The following DZANK1 variants were observed in gnomAD, a reference collection of about 807,000 sequenced individuals.
DZANK1 encodes the protein double zinc ribbon and ankyrin repeat domains 1, also known as double zinc ribbon and ankyrin repeat-containing protein 1.
Under a neutral mutation model 94.5 loss-of-function variants are expected in DZANK1, and 91 were observed. The ratio of observed to expected loss-of-function variants is 0.96; its 90% CI spans 0.81 to 1.15. The LOEUF is 1.15. DZANK1 is among the 50% of genes most tolerant of loss of function. The pLI, the probability that DZANK1 is intolerant of heterozygous loss-of-function variation, is 0.00. For synonymous variants in DZANK1, 312 were observed against 325.3 expected, an observed-to-expected ratio of 0.96 and a Z score of 0.44; for missense variants, 903 against 916.4, an observed-to-expected ratio of 0.99 and a Z score of 0.19.
intron 4 of DZANK1, chr20:18,454,322 C>CAGTGTAG: frequency 3.3e-6 from 1 of 300,178 alleles, no homozygotes; most frequent in South Asian, 3.1e-5. Flanking sequence ...GGCCCCTGCC[C>CAGTGTAG]AGTGTAGATC....
rs1206427381 is a variant in DZANK1 at position 18,453,548 on chromosome 20, C to T, written c.475+183G>A. ...TCTAACTTGGTTGGACTGCTTGATCCTCCTTCATGATCTTAAGCTGTAAGC... is the reference window on the plus strand; with the variant it reads ...TCTAACTTGGTTGGACTGCTTGATCTTCCTTCATGATCTTAAGCTGTAAGC... On this transcript the variant is annotated intron_variant, in intron 5 of 20. Transcript: ENST00000262547. Among the ~76,000 whole-genome samples the T allele has an allele frequency of 2.6e-5, 4 of 152,080 alleles. No individual in the cohort carries two copies. The South Asian group carries it at 6.2e-4, about 24-fold the overall frequency.
chr20:18,415,278 C>T (rs780840671), intron 11 of DZANK1, 49 bp downstream of exon 11: 1 of 1,393,172 alleles, frequency 7.2e-7, no homozygotes, highest in Non-Finnish European at 9.4e-7. Context: ...TCTCTCCAGG[C>T]CAGTGGTGAG....
At chr20:18,455,639 T>C (rs2059260475) in intron 3 of DZANK1, among the ~76,000 whole-genome samples, 1 of 152,214 alleles carries the variant, frequency 6.6e-6, no homozygotes, top group African/African-American at 2.4e-5. Context: ...AGCTCTTCCA[T>C]GTGGCTGCCA....
At chr20:18,460,166 T>C in exon 3 of DZANK1, 1 of 1,543,950 alleles carries the variant, frequency 6.5e-7, no homozygotes. Context: ...GAGACAGCAA[T>C]AGCTTTAACT....
intron 9 of DZANK1, among the ~76,000 whole-genome samples, chr20:18,430,157 G>T (rs2058225029): frequency 6.6e-6 from 1 of 152,164 alleles, no homozygotes; most frequent in African/African-American, 2.4e-5. Flanking sequence ...AATTAAAAAG[G>T]AAGAATATTG....
At chr20:18,397,711 G>A (rs1380375163) in intron 14 of DZANK1, among the ~76,000 whole-genome samples, 2 of 152,206 alleles carry the variant, frequency 1.3e-5, no homozygotes, top group African/African-American at 4.8e-5. Context: ...AATGGCTAGA[G>A]GTGGTTGGAT....
intron 13 of DZANK1, among the ~76,000 whole-genome samples, chr20:18,406,703 A>T (rs991323255): frequency 3.3e-5 from 5 of 152,228 alleles, no homozygotes; most frequent in Non-Finnish European, 7.3e-5. Context: ...CACCCTAGGT[A>T]CCAGCTTGAA....
chr20:18,444,548 A>G (rs1158311654), intron 7 of DZANK1, among the ~76,000 whole-genome samples: 3 of 152,178 alleles, frequency 2.0e-5, no homozygotes, highest in African/African-American at 7.2e-5. Context: ...GGAAGAAACC[A>G]CTCAAGGTTA....
chr20:18,429,499 C>G (rs140441667), intron 9 of DZANK1, among the ~76,000 whole-genome samples: 34 of 152,242 alleles, frequency 2.2e-4, no homozygotes, highest in African/African-American at 7.9e-4. Flanking sequence ...TCTCGTATAC[C>G]CTGTCCCACG....
At chr20:18,389,889 G>C in intron 18 of DZANK1, 61 bp from the exon 19 acceptor site, 2 of 1,599,752 alleles carry the variant, frequency 1.3e-6, no homozygotes, top group Non-Finnish European at 1.7e-6. Context: ...GCATCCAGTC[G>C]CCATCCTATG....
chr20:18,434,694 G>A (rs1601008424), intron 8 of DZANK1, among the ~76,000 whole-genome samples: 1 of 152,276 alleles, frequency 6.6e-6, no homozygotes, highest in East Asian at 1.9e-4. Context: ...CTAAGCTCTG[G>A]GTGGTTGTTG....
intron 16 of DZANK1, 46 bp from the exon 17 acceptor site, chr20:18,393,857 T>TC: frequency 1.6e-6 from 2 of 1,240,234 alleles, no homozygotes; most frequent in Non-Finnish European, 2.4e-6. Context: ...CTCCCCCAAC[T>TC]CCCCACACAA....
chr20:18,398,559 T>C, exon 14 of DZANK1: 1 of 1,613,990 alleles, frequency 6.2e-7, no homozygotes, highest in South Asian at 1.1e-5. Flanking sequence ...AGGCCCGGAA[T>C]TCAGGGTTGT....
chr20:18,402,918 A>G (rs1044269724), intron 13 of DZANK1, among the ~76,000 whole-genome samples: 1 of 152,178 alleles, frequency 6.6e-6, no homozygotes. Flanking sequence ...GAAAATAAAC[A>G]TTTAATGAAA....
intron 15 of DZANK1, chr20:18,394,754 G>A (rs1055711791): frequency 8.7e-6 from 4 of 460,266 alleles, no homozygotes; most frequent in Admixed American, 4.7e-5. Flanking sequence ...GTCATGATGG[G>A]AAGGTCTCAG....
At chr20:18,439,756 T>C (rs771997535) in intron 8 of DZANK1, among the ~76,000 whole-genome samples, 2 of 152,306 alleles carry the variant, frequency 1.3e-5, no homozygotes, top group South Asian at 2.1e-4. Context: ...AAGTGTCTTC[T>C]GGGCCTTCTT....
At chr20:18,396,572 T>C in intron 14 of DZANK1, 26 bp from the exon 15 acceptor site, 1 of 1,586,136 alleles carries the variant, frequency 6.3e-7, no homozygotes. Flanking sequence ...TAGAGAGAAT[T>C]CATAACTGTG....
intron 8 of DZANK1, among the ~76,000 whole-genome samples, chr20:18,438,053 C>T (rs1389128367): frequency 6.6e-6 from 1 of 151,430 alleles, no homozygotes; most frequent in Non-Finnish European, 1.5e-5. Flanking sequence ...CCCGTCTCTA[C>T]TAAAAATACA....
intron 9 of DZANK1, chr20:18,432,812 T>C (rs1035295279): frequency 6.6e-6 from 1 of 152,200 alleles, no homozygotes; most frequent in Non-Finnish European, 1.5e-5. Context: ...GGACTGTAAA[T>C]TGAAGAATGG....
Sources: allele counts gnomAD v4.1 joint callset (sites outside exome capture counted in the v4.1 genomes callset), GRCh38; gene constraint gnomAD v4.1.1; transcripts MANE v1.5; gene names NCBI Gene and HGNC (gene_info 2026-07-23, HGNC 2026-07-21).